Variants in HIVEP3 observed in about 807,000 individuals in gnomAD.
The protein encoded by HIVEP3 is transcription factor HIVEP3.
HIVEP3 carries 49 observed loss-of-function variants against 152.8 expected under a neutral mutation model. The ratio of observed to expected loss-of-function variants is 0.32; its 90% CI spans 0.26 to 0.41. The LOEUF (loss-of-function observed/expected upper bound fraction) is 0.41, where lower values mean the gene tolerates loss of function less well. Among genes scored for constraint, HIVEP3 ranks in the 10% least tolerant of loss-of-function variants. The pLI is 1.00. For missense variants in HIVEP3, 2,790 were observed against 3,103.3 expected, an observed-to-expected ratio of 0.90 and a Z score of 2.40; for synonymous variants, 1,269 against 1,289.0, an observed-to-expected ratio of 0.98 and a Z score of 0.33.
chr1:41,725,688 C>T (rs941419450), intron 1 of HIVEP3, among the ~76,000 whole-genome samples: 2 of 152,164 alleles, frequency 1.3e-5, no homozygotes, highest in Non-Finnish European at 2.9e-5. Flanking sequence ...CCTCCAGTGA[C>T]CCCCAAAAGA....
Position 41,581,161 on chromosome 1 carries a change from C to A in HIVEP3, c.3637G>T (p.Ala1213Ser). 1 of 1,547,898 alleles carries A rather than the reference C, an allele frequency of 6.5e-7. No individual in the cohort carries two copies. Among genetic ancestry groups the A allele is most frequent in the Admixed American group, 1.9e-5 (1 of 52,356 alleles). The change falls in exon 4 of 9, where the codon GCC (alanine) becomes TCC (serine). Residue 1213 changes from alanine (A) to serine (S), a missense_variant. Around this residue, in one of 9 missense-constraint regions of HIVEP3, gnomAD observed 1,078 missense variants for 1,165.3 expected, o/e 0.93. Coordinates refer to ENST00000372583, the MANE Select transcript of HIVEP3 (RefSeq NM_024503.5). The surrounding 1 kb of genome is among the most constrained non-coding windows in gnomAD (Gnocchi z 4.5). The stretch of plus-strand genomic sequence containing the variant: ...GGGGGCTGCCTGAAGGGGATGTTGG[C>A]TGGGTGAGGCATGAGCTGGGGGAGA... Reference protein sequence around the residue: ...LHLPQLMPHPANIPFRQPPSF... With the variant: ...LHLPQLMPHPSNIPFRQPPSF...
intron 1 of HIVEP3, among the ~76,000 whole-genome samples, chr1:41,784,959 C>A (rs1376022608): frequency 3.3e-5 from 5 of 152,122 alleles, no homozygotes; most frequent in African/African-American, 1.2e-4. Context: ...AAAAGAAACA[C>A]AAATCCAGTT....
chr1:41,887,891 T>TA (rs1644371188), intron 1 of HIVEP3, among the ~76,000 whole-genome samples: 1 of 152,036 alleles, frequency 6.6e-6, no homozygotes, highest in Non-Finnish European at 1.5e-5. Flanking sequence ...TGAAATGAAA[T>TA]AAAAAATCCA....
At chr1:41,560,724 G>A (rs1286061038) in intron 5 of HIVEP3, among the ~76,000 whole-genome samples, 1 of 152,180 alleles carries the variant, frequency 6.6e-6, no homozygotes, top group Non-Finnish European at 1.5e-5. Flanking sequence ...TCCTCCAAGA[G>A]ACTCCAGGCT....
intron 3 of HIVEP3, among the ~76,000 whole-genome samples, chr1:41,595,731 G>T (rs1644656351): frequency 6.6e-6 from 1 of 152,182 alleles, no homozygotes; most frequent in Middle Eastern, 3.2e-3. Context: ...TCAGCTGCCA[G>T]TGTGTCCAGG....
chr1:42,024,228 T>C (rs1371283312), intron 1 of HIVEP3, among the ~76,000 whole-genome samples: 2 of 152,230 alleles, frequency 1.3e-5, no homozygotes, highest in Non-Finnish European at 2.9e-5. Flanking sequence ...AGTTGTTAGG[T>C]ACATATACAT....
At chr1:41,546,863 G>A (rs1643815325) in intron 5 of HIVEP3, among the ~76,000 whole-genome samples, 1 of 152,234 alleles carries the variant, frequency 6.6e-6, no homozygotes, top group Non-Finnish European at 1.5e-5. Flanking sequence ...TAAAGCACGT[G>A]TAGTGCCTTT....
intron 1 of HIVEP3, among the ~76,000 whole-genome samples, chr1:41,824,816 GAGAAAGAGAGAGAGAGAGAGAGAGAGT>G (rs1642744460): frequency 9.3e-5 from 1 of 10,756 alleles, no homozygotes. Context: ...GAGAGAGAGA[GAGAAAGAGAGAGAGAGAGAGAGAGAGT>G]TTATATATAG....
chr1:41,609,107 G>A (rs1000298267), intron 3 of HIVEP3, among the ~76,000 whole-genome samples: 1 of 152,084 alleles, frequency 6.6e-6, no homozygotes, highest in African/African-American at 2.4e-5. Context: ...AATTCCTAGG[G>A]AAGAGGTGGA....
intron 1 of HIVEP3, among the ~76,000 whole-genome samples, chr1:41,867,449 T>G (rs1405139747): frequency 6.6e-6 from 1 of 152,184 alleles, no homozygotes; most frequent in Admixed American, 6.5e-5. Flanking sequence ...GACCCCCTCC[T>G]AGAGGAAGAT....
At chr1:41,790,219 C>T (rs1649610305) in intron 1 of HIVEP3, among the ~76,000 whole-genome samples, 1 of 152,090 alleles carries the variant, frequency 6.6e-6, no homozygotes, top group Non-Finnish European at 1.5e-5. Context: ...TCATGAATGG[C>T]TTGGTAACCT....
chr1:41,990,013 G>T (rs1645350235), intron 1 of HIVEP3, among the ~76,000 whole-genome samples: 1 of 62,216 alleles, frequency 1.6e-5, no homozygotes, highest in Non-Finnish European at 3.1e-5. Context: ...GTTTCTCCTA[G>T]TCTCGATGGT....
chr1:41,631,162 G>C (rs1273692875), intron 2 of HIVEP3, among the ~76,000 whole-genome samples: 1 of 152,178 alleles, frequency 6.6e-6, no homozygotes, highest in African/African-American at 2.4e-5. Context: ...CGTGCTCTTT[G>C]GAGGATGCTC....
chr1:41,734,181 G>C (rs1344123301), intron 1 of HIVEP3, among the ~76,000 whole-genome samples: 1 of 152,220 alleles, frequency 6.6e-6, no homozygotes, highest in Admixed American at 6.5e-5. Flanking sequence ...CATTGCAGCT[G>C]TCTCTGCTGC....
At chr1:41,586,458 C>T (rs1199101798) in intron 3 of HIVEP3, among the ~76,000 whole-genome samples, 1 of 151,958 alleles carries the variant, frequency 6.6e-6, no homozygotes, top group African/African-American at 2.4e-5. Flanking sequence ...TGTTCCCCAG[C>T]CCCTTCTCAG....
At chr1:41,833,485 C>T (rs1643025402) in intron 1 of HIVEP3, among the ~76,000 whole-genome samples, 1 of 152,142 alleles carries the variant, frequency 6.6e-6, no homozygotes, top group Admixed American at 6.5e-5. Context: ...GGAAACAATG[C>T]TCAGAAAGGC....
rs1643314915 is a variant in HIVEP3, at chr1:41,533,309, C to G, written c.5208-8399G>C. Reference sequence around the variant, plus strand: ...CCTCCTGCGGTGCCAGAGCCCACCCCACCCACTGTCCTCTCCCACAGCTTC... The same window carrying G: ...CCTCCTGCGGTGCCAGAGCCCACCCGACCCACTGTCCTCTCCCACAGCTTC... On this transcript the variant is annotated intron_variant, in intron 5 of 8. Coordinates refer to ENST00000372583, the MANE Select transcript of HIVEP3 (RefSeq NM_024503.5). The surrounding 1 kb of genome is among the most constrained non-coding windows in gnomAD (Gnocchi z 4.3). Among the ~76,000 whole-genome samples, 1 of 152,130 alleles carries G rather than the reference C, an allele frequency of 6.6e-6. No individual in the cohort carries two copies. The highest frequency in any genetic ancestry group is 1.5e-5 in the Non-Finnish European group (1 of 68,018).
intron 1 of HIVEP3, among the ~76,000 whole-genome samples, chr1:41,806,052 G>T (rs750879662): frequency 3.9e-5 from 6 of 152,192 alleles, no homozygotes; most frequent in Non-Finnish European, 7.3e-5. Flanking sequence ...CTGAGGCACA[G>T]AAGGGATCTT....
chr1:41,785,666 T>A (rs1649303332), intron 1 of HIVEP3, among the ~76,000 whole-genome samples: 1 of 152,240 alleles, frequency 6.6e-6, no homozygotes, highest in Non-Finnish European at 1.5e-5. Context: ...CAAATTTTGA[T>A]GCTAATTTCC....
Sources: gnomAD v4.1 joint callset for allele counts (sites outside exome capture counted in the v4.1 genomes callset) on GRCh38, gnomAD v4.1.1 for gene constraint, gnomAD v4.1.1 regional missense constraint, Gnocchi (gnomAD v3.1) non-coding constraint, MANE v1.5 for transcripts, NCBI Gene and HGNC (gene_info 2026-07-23, HGNC 2026-07-21) for gene names.